Variants in PDE11A observed in about 807,000 individuals in gnomAD.
PDE11A encodes the protein phosphodiesterase 11A, also known as dual 3',5'-cyclic-AMP and -GMP phosphodiesterase 11A.
In PDE11A, 100 loss-of-function variants were observed where a neutral mutation model predicts 100.5. The ratio of observed to expected loss-of-function variants is 1.00; its 90% CI spans 0.85 to 1.18. The LOEUF is 1.18. Ranked by LOEUF, PDE11A falls within the 50% of genes most tolerant of loss-of-function variation. The pLI is 0.00. For missense variants in PDE11A, 1,141 were observed against 1,152.6 expected, an observed-to-expected ratio of 0.99 and a Z score of 0.15; for synonymous variants, 381 against 420.8, an observed-to-expected ratio of 0.91 and a Z score of 1.16.
At chr2:177,651,665 T>C (rs987123649) in intron 19 of PDE11A, among the ~76,000 whole-genome samples, 1 of 152,196 alleles carries the variant, frequency 6.6e-6, no homozygotes, top group Non-Finnish European at 1.5e-5. Context: ...TTTCTGTATG[T>C]CTCTGTTTCT....
At chr2:177,793,942 T>G (rs1574149062) in intron 9 of PDE11A, among the ~76,000 whole-genome samples, 1 of 152,292 alleles carries the variant, frequency 6.6e-6, no homozygotes, top group East Asian at 1.9e-4. Flanking sequence ...TAAACATTTC[T>G]CAGTCAACAA....
intron 12 of PDE11A, among the ~76,000 whole-genome samples, chr2:177,718,907 T>C (rs2081484006): frequency 6.6e-6 from 1 of 152,170 alleles, no homozygotes; most frequent in African/African-American, 2.4e-5. Flanking sequence ...ATTGAACAAA[T>C]ATTTATTATT....
chr2:177,882,265 G>A (rs2084355588), intron 4 of PDE11A, among the ~76,000 whole-genome samples: 1 of 152,138 alleles, frequency 6.6e-6, no homozygotes, highest in Admixed American at 6.6e-5. Flanking sequence ...AAAATATAAT[G>A]CATTCAAAGA....
chr2:177,950,901 C>T (rs182510071), intron 2 of PDE11A, among the ~76,000 whole-genome samples: 12 of 152,014 alleles, frequency 7.9e-5, no homozygotes, highest in South Asian at 2.1e-4. Context: ...CATTGCACTC[C>T]GGCCTGGGCA....
At chr2:178,101,471 A>C (rs1012429254) in intron 2 of PDE11A, among the ~76,000 whole-genome samples, 2 of 152,218 alleles carry the variant, frequency 1.3e-5, no homozygotes, top group African/African-American at 2.4e-5. Context: ...GCTTCAATAC[A>C]CAGGCATGAC....
intron 2 of PDE11A, among the ~76,000 whole-genome samples, chr2:177,945,730 G>T (rs1304871994): frequency 1.3e-5 from 2 of 151,628 alleles, no homozygotes; most frequent in South Asian, 2.1e-4. Context: ...AGGGAGGTGG[G>T]GGGGGTCAGC....
At chr2:178,020,903 G>A (rs1559044464) in intron 1 of PDE11A, among the ~76,000 whole-genome samples, 1 of 147,404 alleles carries the variant, frequency 6.8e-6, no homozygotes, top group African/African-American at 2.5e-5. Context: ...TTAAGTCTTT[G>A]TTTTTTTGTT....
intron 1 of PDE11A, among the ~76,000 whole-genome samples, chr2:178,039,158 T>C (rs2105847519): frequency 6.6e-6 from 1 of 152,194 alleles, no homozygotes; most frequent in East Asian, 1.9e-4. Flanking sequence ...TAAACGCCCA[T>C]CAATGACACA....
intron 2 of PDE11A, among the ~76,000 whole-genome samples, chr2:177,937,575 T>G (rs2085290864): frequency 6.6e-6 from 1 of 152,138 alleles, no homozygotes. Context: ...TCTCGCCCTT[T>G]CAAAGTGCTG....
At chr2:178,042,107 T>C (rs1346863930) in intron 1 of PDE11A, among the ~76,000 whole-genome samples, 1 of 152,222 alleles carries the variant, frequency 6.6e-6, no homozygotes, top group Non-Finnish European at 1.5e-5. Context: ...TGTAATTTTC[T>C]TATGCAGCCT....
chr2:177,648,316 G>A (rs1351757717), intron 19 of PDE11A, among the ~76,000 whole-genome samples: 1 of 132,644 alleles, frequency 7.5e-6, no homozygotes, highest in Admixed American at 8.5e-5. Context: ...CTCCCCAAAA[G>A]CCAAAGATAT....
chr2:177,844,257 T>G (rs1225794169), intron 5 of PDE11A, among the ~76,000 whole-genome samples: 1 of 152,184 alleles, frequency 6.6e-6, no homozygotes, highest in African/African-American at 2.4e-5. Context: ...TAGTGCCTTC[T>G]TGCTTTAGTT....
intron 1 of PDE11A, among the ~76,000 whole-genome samples, chr2:178,064,791 T>C (rs983034870): frequency 2.0e-5 from 3 of 151,900 alleles, no homozygotes; most frequent in Non-Finnish European, 4.4e-5. Flanking sequence ...AGATCTTGTC[T>C]CTAAAAAAAA....
chr2:178,107,541 T>C (rs939468464), intron 1 of PDE11A, among the ~76,000 whole-genome samples: 5 of 151,338 alleles, frequency 3.3e-5, no homozygotes, highest in Non-Finnish European at 7.4e-5. Context: ...TATTATTAAC[T>C]CATTTAGTTC....
intron 2 of PDE11A, among the ~76,000 whole-genome samples, chr2:177,928,681 C>G (rs2085164365): frequency 6.6e-6 from 1 of 152,126 alleles, no homozygotes; most frequent in Non-Finnish European, 1.5e-5. Flanking sequence ...AAAGCTGAGG[C>G]AGGAGGACTG....
intron 2 of PDE11A, chr2:178,093,027 C>G (rs1037011527): frequency 6.6e-6 from 1 of 152,234 alleles, no homozygotes; most frequent in African/African-American, 2.4e-5. Flanking sequence ...ACTTTCTGAT[C>G]TGACCCACAT....
chr2:177,939,482 AGG>A (rs1334359275), intron 2 of PDE11A, among the ~76,000 whole-genome samples: 3 of 123,552 alleles, frequency 2.4e-5, no homozygotes, highest in Non-Finnish European at 5.0e-5. Flanking sequence ...GGAAGAAAGA[AGG>A]GAGAGAGGGA....
At chr2:177,870,434 C>T (rs1014883721) in intron 5 of PDE11A, among the ~76,000 whole-genome samples, 1 of 152,220 alleles carries the variant, frequency 6.6e-6, no homozygotes, top group African/African-American at 2.4e-5. Flanking sequence ...ACACAAACAG[C>T]TCTGACCAAG....
Position 177,675,990 on chromosome 2 carries a change from C to T in PDE11A, c.2424-472G>A, listed in dbSNP as rs1157979537. 1.4e-4 allele frequency: 38 copies of T among 281,414 alleles called. No individual in the cohort carries two copies. The Admixed American group carries it at 1.6e-3, about 12-fold the overall frequency. The allele number at this position is 281,414 out of a possible 1,614,324, so 17.4% of individuals were successfully genotyped here. ...GGCAAGGCACATGCCACATAAGGGG[C>T]TCCTTCATTTTCATCTGCTCTACAG... is the stretch of plus-strand genomic sequence containing the variant. On this transcript the variant is annotated intron_variant, in intron 16 of 19. Coordinates refer to ENST00000286063, the MANE Select transcript of PDE11A (RefSeq NM_016953.4).
Sources: allele counts gnomAD v4.1 joint callset (sites outside exome capture counted in the v4.1 genomes callset), GRCh38; gene constraint gnomAD v4.1.1; transcripts MANE v1.5; gene names NCBI Gene and HGNC (gene_info 2026-07-23, HGNC 2026-07-21).